ITPR3: variants seen among roughly 807,000 people sequenced by gnomAD.
ITPR3 encodes inositol 1,4,5-trisphosphate-gated calcium channel ITPR3.
In ITPR3, 173 loss-of-function variants were observed where a neutral mutation model predicts 293.2. The observed-to-expected ratio is 0.59, with a 90% CI of 0.52 to 0.67. ITPR3 has a LOEUF of 0.67. ITPR3 is among the 30% of genes least tolerant of loss of function. The probability of loss-of-function intolerance (pLI) is 0.00; values close to 1 mark genes in which losing one functional copy is unlikely to be tolerated. For synonymous variants in ITPR3, 1,295 were observed against 1,444.4 expected (o/e 0.90, Z 2.35); for missense variants, 2,796 against 3,592.1 (o/e 0.78, Z 5.66).
intron 2 of ITPR3, among the ~76,000 whole-genome samples, chr6:33,643,286 C>G (rs1178947671): frequency 6.6e-6 from 1 of 152,212 alleles, no homozygotes. Context: ...GCCCGGCTCC[C>G]TGCCAGCTCC....
At position 33,655,957 on chromosome 6, in the gene ITPR3, T is replaced by G; in HGVS notation, c.282+70T>G. ...AACCTGGGTACACAAGCAGCGGTGC[T>G]GCTTGTCGGAGCCAGTAGGGGCTCT... On this transcript the variant is annotated intron_variant, in intron 3 of 57. Coordinates refer to ENST00000605930, the MANE Select transcript of ITPR3 (RefSeq NM_002224.4). The surrounding 1 kb of genome is among the most constrained non-coding windows in gnomAD (Gnocchi z 4.9). The G allele has an allele frequency of 6.3e-7, 1 of 1,594,790 alleles. No individual in the cohort carries two copies. Among genetic ancestry groups the G allele is most frequent in the South Asian group, 1.1e-5 (1 of 89,956 alleles).
chr6:33,693,802 C>T, intron 56 of ITPR3, 97 bp downstream of exon 56: 1 of 1,399,602 alleles, frequency 7.1e-7, no homozygotes, highest in South Asian at 1.3e-5. Flanking sequence ...CTTCTGAGTA[C>T]CCTGGGCCCT....
In ITPR3 at chr6:33,663,981, G is replaced by A. The variant is rs547340097; in HGVS notation, c.1148+101G>A. ...ATCCCCCACTCCTCCGCCCTCCTGC[G>A]GTCCTTTAGCCTCTGGGGTCTCTGT... On this transcript the variant is annotated intron_variant, in intron 11 of 57. Transcript: ENST00000605930. The A allele has an allele frequency of 1.2e-5, 17 of 1,444,164 alleles. No homozygotes were observed. In the Admixed American group the frequency reaches 1.3e-4, roughly 11 times the overall value. 89.5% of individuals were successfully genotyped at this position (1,444,164 alleles called of 1,614,324 possible). A position where few individuals can be genotyped will look rare whatever the true frequency, so the allele number is the denominator to read the frequency against.
chr6:33,640,975 C>G (rs1167620056), intron 2 of ITPR3, among the ~76,000 whole-genome samples: 1 of 152,206 alleles, frequency 6.6e-6, no homozygotes, highest in Non-Finnish European at 1.5e-5. Flanking sequence ...GATTTGGACC[C>G]CATGGTTTCC....
chr6:33,676,962 GC>G, intron 26 of ITPR3, 30 bp downstream of exon 26: 4 of 1,613,966 alleles, frequency 2.5e-6, no homozygotes, highest in Non-Finnish European at 3.4e-6. Context: ...GCCAGGGCAG[GC>G]CTCCCTGTGA....
rs990248485 is a variant in ITPR3, at chr6:33,633,538, C to T, written c.90-6946C>T. On this transcript the variant is annotated intron_variant, in intron 1 of 57. Coordinates refer to ENST00000605930, the MANE Select transcript of ITPR3 (RefSeq NM_002224.4). This position sits in a 1 kb window ranked among gnomAD's most constrained non-coding sequence, Gnocchi z 5.2. The stretch of plus-strand genomic sequence containing the variant: ...AGGGGTACCCCGGGGCCGCCCTCCG[C>T]GGGCAGACGAGCGGGGGAGAGCAGG... 6.6e-6 allele frequency among the ~76,000 whole-genome samples: 1 copy of T among 151,940 alleles called. No individual in the cohort carries two copies. Among genetic ancestry groups the T allele is most frequent in the South Asian group, 2.1e-4 (1 of 4,836 alleles).
intron 18 of ITPR3, 68 bp downstream of exon 18, chr6:33,669,224 A>G: frequency 6.6e-7 from 1 of 1,514,242 alleles, no homozygotes. Context: ...GCCGTCAGTC[A>G]ATCCCTGCTG....
intron 33 of ITPR3, 134 bp downstream of exon 33, chr6:33,680,814 G>A: frequency 1.0e-6 from 1 of 996,676 alleles, no homozygotes. Flanking sequence ...TAAGTGTATT[G>A]GTTATCTTTT....
chr6:33,668,000 C>A lies in ITPR3; in HGVS notation c.1886+36C>A. 1 of 1,607,078 alleles carries A rather than the reference C, an allele frequency of 6.2e-7. No homozygotes were observed. The highest frequency in any genetic ancestry group is 1.1e-5 in the South Asian group (1 of 90,786). On this transcript the variant is annotated intron_variant, in intron 16 of 57. Transcript: ENST00000605930. This position sits in a 1 kb window ranked among gnomAD's most constrained non-coding sequence, Gnocchi z 4.4. Reference sequence around the variant, plus strand: ...ACCCCCTCCCCGGCCGGCGCCTGCTCCTCCCTCCTCCCTTGCCTGGGTAGA... The same window carrying A: ...ACCCCCTCCCCGGCCGGCGCCTGCTACTCCCTCCTCCCTTGCCTGGGTAGA...
intron 18 of ITPR3, among the ~76,000 whole-genome samples, chr6:33,669,962 C>T (rs181020463): frequency 9.9e-5 from 15 of 152,218 alleles, no homozygotes; most frequent in Admixed American, 5.2e-4. Flanking sequence ...GGTTGCACCC[C>T]TTTCACCACC....
chr6:33,623,477 C>A (rs1486584689), intron 1 of ITPR3, among the ~76,000 whole-genome samples: 1 of 151,842 alleles, frequency 6.6e-6, no homozygotes, highest in Non-Finnish European at 1.5e-5. Flanking sequence ...ACAGGCACAT[C>A]ACCACACCCG....
chr6:33,669,319 A>C lies in ITPR3; in HGVS notation c.2189+163A>C, dbSNP rs370767856. ...TGTCACTCCCCTGCCACGAAGCCTC[A>C]TTCCAGGAAGGCTGAGTGAAGAGGA... On this transcript the variant is annotated intron_variant, in intron 18 of 57. Transcript: ENST00000605930. Among the ~76,000 whole-genome samples, 146 of 152,334 alleles carry C rather than the reference A, an allele frequency of 9.6e-4. 3 individuals carry two copies. The South Asian group carries it at 0.026, about 27-fold the overall frequency.
chr6:33,662,462 G>T (rs1764497222), intron 7 of ITPR3, 66 bp from the exon 8 acceptor site: 1 of 1,517,478 alleles, frequency 6.6e-7, no homozygotes, highest in East Asian at 2.5e-5. Context: ...GTGGGGCTGG[G>T]CCCTGGGTGG....
Position 33,670,484 on chromosome 6 carries a change from C to T in ITPR3, c.2349C>T (p.His783=), listed in dbSNP as rs778988396. ...LRASFCHLML[H]VHVDRDPQEL... ...CCTCCTTCTGCCACCTGATGCTGCACGTGCACGTGGACCGTGACCCCCAGG... is the reference window on the plus strand; with the variant it reads ...CCTCCTTCTGCCACCTGATGCTGCATGTGCACGTGGACCGTGACCCCCAGG... Residue 783 remains histidine, a synonymous_variant, in exon 19 of 58, where the codon CAC becomes CAT. Coordinates refer to ENST00000605930, the MANE Select transcript of ITPR3 (RefSeq NM_002224.4). The surrounding 1 kb of genome is among the most constrained non-coding windows in gnomAD (Gnocchi z 6.7). 14 of 1,613,780 alleles carry T rather than the reference C, an allele frequency of 8.7e-6. No individual in the cohort carries two copies. The highest frequency in any genetic ancestry group is 1.0e-5 in the Non-Finnish European group (12 of 1,180,016).
Position 33,686,411 on chromosome 6 carries a change from T to C in ITPR3, c.5871T>C (p.Thr1957=), listed in dbSNP as rs760889356. The C allele has an allele frequency of 6.2e-7, 1 of 1,613,794 alleles. No individual in the cohort carries two copies. Among genetic ancestry groups the C allele is most frequent in the African/African-American group, 1.3e-5 (1 of 74,942 alleles). ...TGTCCCCCACTGCCTCCTGCCAGAC[T>C]TGCATTGTGACTCACGAGTCCAATG... ...YCQGPCHENQ[T]CIVTHESNGI... is the part of the protein sequence containing the mutation. The change falls in exon 43 of 58, where the codon ACT becomes ACC. Residue 1957 remains threonine, a splice_region_variant and synonymous_variant. Coordinates refer to ENST00000605930, the MANE Select transcript of ITPR3 (RefSeq NM_002224.4).
intron 28 of ITPR3, 112 bp downstream of exon 28, chr6:33,677,741 CT>C: frequency 7.8e-7 from 1 of 1,285,354 alleles, no homozygotes. Context: ...CGCCTGGCCT[CT>C]TACACTGCCC....
intron 2 of ITPR3, among the ~76,000 whole-genome samples, chr6:33,645,976 T>C (rs1336486439): frequency 6.6e-6 from 1 of 152,142 alleles, no homozygotes; most frequent in Non-Finnish European, 1.5e-5. Context: ...TAGCTGGGAT[T>C]ACAGGCACGT....
rs76873519 is a variant in ITPR3, at chr6:33,655,238, C to T, written c.161-528C>T. ...GAAGATGCGCCTCAGCCTGACCCCT[C>T]GGGGAGCTCAGGATTGTGAGCTGTT... is the stretch of plus-strand genomic sequence containing the variant. On this transcript the variant is annotated intron_variant, in intron 2 of 57. Transcript: ENST00000605930. The surrounding 1 kb of genome is among the most constrained non-coding windows in gnomAD (Gnocchi z 4.9). Among the ~76,000 whole-genome samples the T allele has an allele frequency of 0.049, 7,472 of 152,240 alleles. 218 individuals are homozygous for T. Among genetic ancestry groups the T allele is most frequent in the African/African-American group, 0.068 (2,825 of 41,532 alleles).
Position 33,683,335 on chromosome 6 carries a change from T to A in ITPR3, c.4726T>A (p.Phe1576Ile). ...CAGCTACAAGGCAACCACGCGGGCC[T>A]TCCCCCGCGTCACCCCCACCGCCAA... ...ASSYKATTRA[F>I]PRVTPTANQW... The change falls in exon 35 of 58, where the codon TTC becomes ATC. Residue 1576 changes from phenylalanine to isoleucine, a missense_variant. By Grantham distance (21) the Phe-to-Ile change is conservative (BLOSUM62 0). Transcript: ENST00000605930. This position sits in a 1 kb window ranked among gnomAD's most constrained non-coding sequence, Gnocchi z 4.5. The A allele has an allele frequency of 6.3e-7, 1 of 1,594,854 alleles. No homozygotes were observed. Among genetic ancestry groups the A allele is most frequent in the Non-Finnish European group, 8.5e-7 (1 of 1,171,286 alleles).
Sources: gnomAD v4.1 joint callset for allele counts (sites outside exome capture counted in the v4.1 genomes callset) on GRCh38, gnomAD v4.1.1 for gene constraint, Gnocchi (gnomAD v3.1) non-coding constraint, MANE v1.5 for transcripts, NCBI Gene and HGNC (gene_info 2026-07-23, HGNC 2026-07-21) for gene names.